KHDRBS2: variants seen among roughly 807,000 people sequenced by gnomAD.
KHDRBS2 encodes KH RNA binding domain containing, signal transduction associated 2, also known as KH domain-containing, RNA-binding, signal transduction-associated protein 2.
KHDRBS2 carries 26 observed loss-of-function variants against 44.3 expected under a neutral mutation model. The ratio of observed to expected loss-of-function variants is 0.59; its 90% confidence interval spans 0.43 to 0.81. The LOEUF is 0.81. Among genes scored for constraint, KHDRBS2 ranks in the 40% least tolerant of loss-of-function variants. The pLI is 0.00. For synonymous variants in KHDRBS2, 194 were observed against 151.1 expected (o/e 1.28, Z -2.08); for missense variants, 476 against 433.1 (o/e 1.10, Z -0.88).
At chr6:61,708,860 G>A (rs1249167345) in intron 7 of KHDRBS2, among the ~76,000 whole-genome samples, 2 of 151,626 alleles carry the variant, frequency 1.3e-5, no homozygotes, top group Non-Finnish European at 3.0e-5. Flanking sequence ...ATGGAGAATA[G>A]CGAAGTCTCC....
At chr6:62,269,838 A>G (rs77207553) in intron 1 of KHDRBS2, among the ~76,000 whole-genome samples, 3,816 of 152,224 alleles carry the variant, frequency 0.025, 121 homozygotes, top group African/African-American at 0.082. Flanking sequence ...ATGTACAGTC[A>G]TGATACTGAA....
At chr6:62,284,789 T>G (rs1238699619) in intron 1 of KHDRBS2, among the ~76,000 whole-genome samples, 1 of 152,164 alleles carries the variant, frequency 6.6e-6, no homozygotes, top group African/African-American at 2.4e-5. Flanking sequence ...CCTATTTAAA[T>G]CATATATTGA....
chr6:62,190,459 C>T (rs1381086835), intron 1 of KHDRBS2, among the ~76,000 whole-genome samples: 1 of 151,984 alleles, frequency 6.6e-6, no homozygotes, highest in East Asian at 1.9e-4. Flanking sequence ...TTCCTTCAAC[C>T]AAATAACATT....
At chr6:61,803,840 C>T (rs1359460448) in intron 6 of KHDRBS2, among the ~76,000 whole-genome samples, 2 of 151,990 alleles carry the variant, frequency 1.3e-5, no homozygotes, top group East Asian at 1.9e-4. Flanking sequence ...CGAACTCACT[C>T]ACCATCACAA....
chr6:62,240,485 GA>G (rs1834419062), intron 1 of KHDRBS2, among the ~76,000 whole-genome samples: 1 of 151,308 alleles, frequency 6.6e-6, no homozygotes, highest in South Asian at 2.1e-4. Flanking sequence ...TAGTTGAGCT[GA>G]AAGAACAAGG....
chr6:61,880,849 T>C (rs1397116893), intron 6 of KHDRBS2, among the ~76,000 whole-genome samples: 3 of 151,994 alleles, frequency 2.0e-5, no homozygotes, highest in Non-Finnish European at 2.9e-5. Flanking sequence ...TCTTACATGA[T>C]TTCTATCAAT....
intron 2 of KHDRBS2, among the ~76,000 whole-genome samples, chr6:62,160,598 A>G (rs1385052260): frequency 6.6e-6 from 1 of 152,116 alleles, no homozygotes; most frequent in Admixed American, 6.6e-5. Context: ...TATGGCCTAT[A>G]TGTTTAAAGA....
chr6:62,246,621 G>A (rs1264624113), intron 1 of KHDRBS2, among the ~76,000 whole-genome samples: 1 of 151,994 alleles, frequency 6.6e-6, no homozygotes, highest in African/African-American at 2.4e-5. Flanking sequence ...GAAAGACATA[G>A]AGCCATTTTC....
intron 1 of KHDRBS2, among the ~76,000 whole-genome samples, chr6:62,193,612 T>C (rs921508583): frequency 6.6e-6 from 1 of 152,110 alleles, no homozygotes; most frequent in Non-Finnish European, 1.5e-5. Context: ...TAATGCATTA[T>C]CTTGGGTAGA....
the KHDRBS2 span, among the ~76,000 whole-genome samples, chr6:61,565,137 C>G: frequency 6.6e-6 from 1 of 151,926 alleles, no homozygotes; most frequent in Non-Finnish European, 1.5e-5. Context: ...GAAACTAGAC[C>G]CCTATGTCTC....
At chr6:62,052,638 G>T (rs1789337877) in intron 2 of KHDRBS2, among the ~76,000 whole-genome samples, 1 of 146,256 alleles carries the variant, frequency 6.8e-6, no homozygotes, top group African/African-American at 2.5e-5. Context: ...TTGGGGTGGA[G>T]GAGGGTGGGG....
intron 7 of KHDRBS2, among the ~76,000 whole-genome samples, chr6:61,720,968 A>T (rs2127555326): frequency 6.6e-6 from 1 of 150,930 alleles, no homozygotes; most frequent in Non-Finnish European, 1.5e-5. Flanking sequence ...AGGTGTAAGG[A>T]AGGGATCCAG....
At chr6:61,927,575 T>C (rs117998312) in intron 4 of KHDRBS2, among the ~76,000 whole-genome samples, 1 of 152,240 alleles carries the variant, frequency 6.6e-6, no homozygotes, top group East Asian at 1.9e-4. Context: ...TCTGCAATCT[T>C]GAAAATACAA....
At chr6:62,026,429 A>ATTG (rs1783326308) in intron 3 of KHDRBS2, among the ~76,000 whole-genome samples, 1 of 140,032 alleles carries the variant, frequency 7.1e-6, no homozygotes, top group Admixed American at 7.2e-5. Flanking sequence ...TATTATTATT[A>ATTG]TTATTATTAT....
intron 6 of KHDRBS2, among the ~76,000 whole-genome samples, chr6:61,770,351 G>A (rs879355625): frequency 2.0e-5 from 3 of 152,206 alleles, no homozygotes; most frequent in African/African-American, 4.8e-5. Flanking sequence ...ACTTTGCCGA[G>A]TTGAGAGAAG....
At chr6:61,637,297 T>C in the KHDRBS2 span, among the ~76,000 whole-genome samples, 2 of 152,152 alleles carry the variant, frequency 1.3e-5, no homozygotes, top group Non-Finnish European at 2.9e-5. Flanking sequence ...GTTTTTTTGT[T>C]CTTGCGATAG....
At chr6:62,183,517 T>C (rs1822786538) in intron 1 of KHDRBS2, among the ~76,000 whole-genome samples, 1 of 151,520 alleles carries the variant, frequency 6.6e-6, no homozygotes, top group South Asian at 2.1e-4. Context: ...TTTATATTCC[T>C]AAAATTAAAA....
chr6:61,785,616 A>G (rs1783687912), intron 6 of KHDRBS2, among the ~76,000 whole-genome samples: 1 of 152,078 alleles, frequency 6.6e-6, no homozygotes, highest in South Asian at 2.1e-4. Context: ...TAGTGAGAGG[A>G]TTCTCTTTTT....
chr6:61,585,912 A>G, the KHDRBS2 span, among the ~76,000 whole-genome samples: 2 of 152,128 alleles, frequency 1.3e-5, no homozygotes, highest in East Asian at 3.9e-4. Flanking sequence ...CTTATTTAGA[A>G]ATTAGAGAAC....
Sources: allele counts gnomAD v4.1 joint callset (sites outside exome capture counted in the v4.1 genomes callset), GRCh38; gene constraint gnomAD v4.1.1; transcripts MANE v1.5; gene names NCBI Gene and HGNC (gene_info 2026-07-23, HGNC 2026-07-21).